Variants in EIF2AK1 observed in about 807,000 individuals in gnomAD.
EIF2AK1 encodes the protein eukaryotic translation initiation factor 2-alpha kinase 1.
In EIF2AK1, 54 loss-of-function variants were observed where a neutral mutation model predicts 77.9. That is an observed-to-expected ratio of 0.69 (90% CI 0.56 to 0.87). EIF2AK1 has a LOEUF of 0.87. Among genes scored for constraint, EIF2AK1 ranks in the 40% least tolerant of loss-of-function variants. EIF2AK1 has a pLI of 0.00. For synonymous variants in EIF2AK1, 314 were observed against 290.5 expected, an observed-to-expected ratio of 1.08 and a Z score of -0.82; for missense variants, 810 against 768.6, an observed-to-expected ratio of 1.05 and a Z score of -0.64.
chr7:6,043,940 A>T (rs1475252817), intron 7 of EIF2AK1, among the ~76,000 whole-genome samples: 1 of 151,528 alleles, frequency 6.6e-6, no homozygotes, highest in Non-Finnish European at 1.5e-5. Context: ...CTGTACTAAA[A>T]ATACAAAAAT....
chr7:6,045,752 T>TAA (rs1554321651), intron 6 of EIF2AK1, among the ~76,000 whole-genome samples: 1 of 148,444 alleles, frequency 6.7e-6, no homozygotes, highest in African/African-American at 2.5e-5. Context: ...TATATATATA[T>TAA]AAATTAGCCA....
Position 6,036,185 on chromosome 7 carries a change from A to G in EIF2AK1, c.1332+1239T>C, listed in dbSNP as rs1409427220. On this transcript the variant is annotated intron_variant, in intron 11 of 14. Transcript: ENST00000199389. The surrounding 1 kb of genome is among the most constrained non-coding windows in gnomAD (Gnocchi z 4.6). ...CCAATAACCAAGGAATTCTACCTGC[A>G]GGAATCATGCTACCAGAATTCCGCC... 5 of 1,549,804 alleles carry G rather than the reference A, an allele frequency of 3.2e-6. No homozygotes were observed. In the South Asian group the frequency reaches 6.0e-5, roughly 18 times the overall value.
chr7:6,052,584 T>TTA (rs368496133), intron 2 of EIF2AK1, among the ~76,000 whole-genome samples: 22 of 97,150 alleles, frequency 2.3e-4, no homozygotes, highest in African/African-American at 8.9e-4. Context: ...ACTGTTTTGG[T>TTA]AAAAAAAAAA....
Position 6,056,613 on chromosome 7 carries a change from A to AAAAAAAAT in EIF2AK1, c.119-1910_119-1909insATTTTTTT. On this transcript the variant is annotated intron_variant, in intron 1 of 14. Coordinates refer to ENST00000199389, the MANE Select transcript of EIF2AK1 (RefSeq NM_014413.4). ...CATCTCAAGGGAAAAAAAAAAAAAA[A>AAAAAAAAT]ATATATATATATATATATATATAAA... Among the ~76,000 whole-genome samples the AAAAAAAAT allele has an allele frequency of 1.3e-3, 57 of 43,726 alleles. No individual in the cohort carries two copies. In the East Asian group the frequency reaches 0.014, roughly 11 times the overall value. The allele number at this position is 43,726 out of a possible 152,430, so 28.7% of individuals were successfully genotyped here.
chr7:6,053,103 T>G (rs915856433), intron 2 of EIF2AK1, among the ~76,000 whole-genome samples: 16 of 152,244 alleles, frequency 1.1e-4, no homozygotes, highest in African/African-American at 3.9e-4. Flanking sequence ...TGAATTGAAG[T>G]AGGGAAATCA....
At chr7:6,039,505 C>A (rs567692346) in intron 9 of EIF2AK1, among the ~76,000 whole-genome samples, 3 of 151,908 alleles carry the variant, frequency 2.0e-5, no homozygotes, top group African/African-American at 7.2e-5. Context: ...GCCTGTAATC[C>A]CACTACTCAG....
chr7:6,041,258 GC>G (rs1788288940), intron 8 of EIF2AK1, 39 bp from the exon 9 acceptor site: 27 of 1,555,566 alleles, frequency 1.7e-5, no homozygotes, highest in Non-Finnish European at 2.2e-5. Context: ...AAGTCAATGG[GC>G]CGAGCACAGT....
intron 2 of EIF2AK1, among the ~76,000 whole-genome samples, chr7:6,052,683 G>A (rs1250484804): frequency 7.1e-6 from 1 of 141,150 alleles, no homozygotes; most frequent in African/African-American, 2.6e-5. Context: ...ATGTCACCCA[G>A]ACTGGAGCAC....
intron 4 of EIF2AK1, chr7:6,047,396 T>C: frequency 7.2e-6 from 3 of 417,686 alleles, no homozygotes; most frequent in South Asian, 6.0e-5. Flanking sequence ...AAATTTCAGC[T>C]GGGCATGGTG....
intron 1 of EIF2AK1, among the ~76,000 whole-genome samples, chr7:6,056,613 A>AATATATATAT (rs71008353): frequency 2.1e-4 from 9 of 43,734 alleles, no homozygotes; most frequent in Non-Finnish European, 3.3e-4. Flanking sequence ...AAAAAAAAAA[A>AATATATATAT]ATATATATAT....
chr7:6,025,025 G>C (rs1230786185), intron 14 of EIF2AK1, among the ~76,000 whole-genome samples: 1 of 151,844 alleles, frequency 6.6e-6, no homozygotes, highest in African/African-American at 2.4e-5. Flanking sequence ...TTTTAGTAGA[G>C]ATGAGGTTTC....
At chr7:6,038,365 G>T (rs1372908733) in intron 10 of EIF2AK1, among the ~76,000 whole-genome samples, 195 bp downstream of exon 10, 1 of 152,114 alleles carries the variant, frequency 6.6e-6, no homozygotes, top group African/African-American at 2.4e-5. Context: ...AGCCAGGGAG[G>T]CCAAGGCTAT....
In EIF2AK1 at chr7:6,031,267, C is replaced by T; in HGVS notation, c.1333-2235G>A. ...GGATTGCCTTCACAGATCCAATTCT[C>T]GACAAATTCTAGAACAGTTCTAGAA... On this transcript the variant is annotated intron_variant, in intron 11 of 14. Transcript: ENST00000199389. 13 of 1,095,928 alleles carry T rather than the reference C, an allele frequency of 1.2e-5. No individual in the cohort carries two copies. The South Asian group carries it at 1.3e-4, about 11-fold the overall frequency. 67.9% of individuals were successfully genotyped at this position (1,095,928 alleles called of 1,614,324 possible). A position where few individuals can be genotyped will look rare whatever the true frequency, so the allele number is the denominator to read the frequency against.
chr7:6,056,558 C>T (rs1471813711), intron 1 of EIF2AK1, among the ~76,000 whole-genome samples: 2 of 135,898 alleles, frequency 1.5e-5, no homozygotes, highest in Admixed American at 8.0e-5. Flanking sequence ...CGCGCGACTG[C>T]ACTCCAGCCT....
chr7:6,057,601 A>C (rs998144336), intron 1 of EIF2AK1: 2 of 149,680 alleles, frequency 1.3e-5, no homozygotes, highest in African/African-American at 4.9e-5. Context: ...CATTCCATAA[A>C]AAAAAAAAAA....
At position 6,038,633 on chromosome 7, in the gene EIF2AK1, C is replaced by G; in HGVS notation, c.1158G>C (p.Leu386=). ...TCCAATCCCACAGCGAGAGCTCACA[C>G]AGCTGCATCTGGATGTGCAGCATCA... ...YHLMLHIQMQ[L]CELSLWDWIV... Residue 386 remains leucine, a synonymous_variant, in exon 10 of 15, where the codon CTG becomes CTC. Coordinates refer to ENST00000199389, the MANE Select transcript of EIF2AK1 (RefSeq NM_014413.4). The G allele has an allele frequency of 6.2e-7, 1 of 1,613,368 alleles. No individual in the cohort carries two copies. Among genetic ancestry groups the G allele is most frequent in the South Asian group, 1.1e-5 (1 of 90,938 alleles).
At chr7:6,029,317 T>C (rs1166817391) in intron 11 of EIF2AK1, among the ~76,000 whole-genome samples, 1 of 151,684 alleles carries the variant, frequency 6.6e-6, no homozygotes, top group Admixed American at 6.6e-5. Context: ...ATGGCCAACA[T>C]GGTGAAAAAC....
At chr7:6,047,156 C>T in intron 4 of EIF2AK1, 65 bp from the exon 5 acceptor site, 1 of 1,462,210 alleles carries the variant, frequency 6.8e-7, no homozygotes, top group Non-Finnish European at 9.6e-7. Flanking sequence ...TAGGATACCT[C>T]ATGCTCACAG....
At chr7:6,038,507 G>A in intron 10 of EIF2AK1, 53 bp downstream of exon 10, 1 of 1,359,824 alleles carries the variant, frequency 7.4e-7, no homozygotes, top group Non-Finnish European at 1.0e-6. Context: ...CATGAGATGG[G>A]GAAGGTGTGA....
Sources: gnomAD v4.1 joint callset for allele counts (sites outside exome capture counted in the v4.1 genomes callset) on GRCh38, gnomAD v4.1.1 for gene constraint, Gnocchi (gnomAD v3.1) non-coding constraint, MANE v1.5 for transcripts, NCBI Gene and HGNC (gene_info 2026-07-23, HGNC 2026-07-21) for gene names.